VSIG10: variants seen among roughly 807,000 people sequenced by gnomAD.
The protein encoded by VSIG10 is V-set and immunoglobulin domain containing 10, also known as V-set and immunoglobulin domain-containing protein 10.
A neutral mutation model predicts 58.7 loss-of-function variants in VSIG10; 48 were observed. The ratio of observed to expected loss-of-function variants is 0.82; its 90% CI spans 0.65 to 1.04. The LOEUF (loss-of-function observed/expected upper bound fraction) is 1.04, where lower values mean the gene tolerates loss of function less well. Ranked by LOEUF, VSIG10 falls within the 50% of genes least tolerant of loss-of-function variation. VSIG10 has a pLI of 0.00. For synonymous variants in VSIG10, 260 were observed against 267.1 expected, an observed-to-expected ratio of 0.97 and a Z score of 0.26; for missense variants, 628 against 670.0, an observed-to-expected ratio of 0.94 and a Z score of 0.69.
rs532555111 is a variant in VSIG10 at position 118,091,291 on chromosome 12, G to C, written c.361+4242C>G. 5.9e-5 allele frequency among the ~76,000 whole-genome samples: 9 copies of C among 152,194 alleles called. No homozygotes were observed. In the South Asian group the frequency reaches 1.9e-3, roughly 32 times the overall value. ...GCGGATCACGAGGTCAGGAGATCGA[G>C]ACCATCCTGGCTAACATGGTGAAAC... On this transcript the variant is annotated intron_variant, in intron 2 of 8. Coordinates refer to ENST00000359236, the MANE Select transcript of VSIG10 (RefSeq NM_019086.6).
Position 118,082,268 on chromosome 12 carries a change from C to T in VSIG10, c.523G>A (p.Glu175Lys), listed in dbSNP as rs949478212. The T allele has an allele frequency of 1.9e-6, 3 of 1,613,740 alleles. No individual in the cohort carries two copies. The highest frequency in any genetic ancestry group is 1.7e-5 in the Admixed American group (1 of 59,966). The change falls in exon 3 of 9, where the codon GAG (glutamate) becomes AAG (lysine). Residue 175 changes from glutamate to lysine, a missense_variant. Physicochemically the swap from Glu to Lys is moderately conservative, Grantham distance 56. Transcript: ENST00000359236. ...WWFQALNSSSESFGHNLTVNF... is the reference protein window; with the variant it reads ...WWFQALNSSSKSFGHNLTVNF... ...ACTGTCAGGTTGTGGCCAAAGGACT[C>T]GCTGCTGGAATTCAGGGCCTGGAAC...
chr12:118,071,900 T>A (rs993720132), intron 5 of VSIG10, among the ~76,000 whole-genome samples: 3 of 152,226 alleles, frequency 2.0e-5, no homozygotes, highest in African/African-American at 7.2e-5. Context: ...CCGGGCGCAG[T>A]GGCGCATGCC....
At chr12:118,067,207 T>G (rs1336972687) in intron 8 of VSIG10, among the ~76,000 whole-genome samples, 1 of 151,992 alleles carries the variant, frequency 6.6e-6, no homozygotes, top group Non-Finnish European at 1.5e-5. Context: ...GTATTCTTAG[T>G]AGAGACACGT....
intron 8 of VSIG10, among the ~76,000 whole-genome samples, chr12:118,066,950 TC>T (rs2032269795): frequency 6.6e-6 from 1 of 152,076 alleles, no homozygotes; most frequent in Admixed American, 6.6e-5. Flanking sequence ...ACGCCCTCTC[TC>T]CTTTCTGCTT....
intron 8 of VSIG10, 125 bp from the exon 9 acceptor site, chr12:118,066,819 G>C (rs2032265475): frequency 9.6e-7 from 1 of 1,042,288 alleles, no homozygotes; most frequent in Non-Finnish European, 1.4e-6. Context: ...GGATCTCATG[G>C]AGAAGGTAGG....
At chr12:118,087,688 A>G (rs534676703) in intron 2 of VSIG10, among the ~76,000 whole-genome samples, 1 of 152,040 alleles carries the variant, frequency 6.6e-6, no homozygotes, top group Non-Finnish European at 1.5e-5. Flanking sequence ...AAACTAAAAA[A>G]TTAGCCGAGT....
intron 1 of VSIG10, among the ~76,000 whole-genome samples, chr12:118,096,918 A>T (rs1428028873): frequency 6.6e-6 from 1 of 152,026 alleles, no homozygotes; most frequent in African/African-American, 2.4e-5. Context: ...ACACGCCTGT[A>T]ATCCCAGCTA....
intron 8 of VSIG10, among the ~76,000 whole-genome samples, chr12:118,068,023 C>CT (rs371999216): frequency 0.031 from 2,645 of 85,416 alleles, 274 homozygotes; most frequent in African/African-American, 0.078. Flanking sequence ...GGTTTGTGGG[C>CT]TTTTTTTTTT....
chr12:118,066,577 G>A lies in VSIG10; in HGVS notation c.*62C>T, dbSNP rs747851999. 18 of 1,575,324 alleles carry A rather than the reference G, an allele frequency of 1.1e-5. No homozygotes were observed. Among genetic ancestry groups the A allele is most frequent in the South Asian group, 2.2e-5 (2 of 90,338 alleles). On this transcript the variant is annotated 3_prime_UTR_variant, in exon 9 of 9. Transcript: ENST00000359236. ...AGGTGGAGTCAAAGCTGAATGAAGA[G>A]CTCGTCTTCAATGTAGCTCTCCAAG...
intron 2 of VSIG10, among the ~76,000 whole-genome samples, chr12:118,089,557 AG>A (rs1241011798): frequency 5.3e-5 from 8 of 152,282 alleles, no homozygotes; most frequent in Admixed American, 4.6e-4. Flanking sequence ...ACTTGCCCGT[AG>A]GCTCACAGTG....
intron 1 of VSIG10, among the ~76,000 whole-genome samples, chr12:118,096,578 CAAA>C (rs371525608): frequency 8.6e-6 from 1 of 116,770 alleles, no homozygotes; most frequent in Non-Finnish European, 1.8e-5. Flanking sequence ...AACTCCGTCT[CAAA>C]AAAAAAAAAA....
intron 4 of VSIG10, among the ~76,000 whole-genome samples, chr12:118,075,116 GTA>G (rs541191883): frequency 3.4e-5 from 5 of 146,434 alleles, no homozygotes; most frequent in South Asian, 2.1e-4. Flanking sequence ...ATGTGTATAT[GTA>G]TATATATGTG....
intron 2 of VSIG10, among the ~76,000 whole-genome samples, chr12:118,092,450 T>C (rs2033325840): frequency 6.6e-6 from 1 of 152,058 alleles, no homozygotes; most frequent in Non-Finnish European, 1.5e-5. Flanking sequence ...ACTCTCTCTG[T>C]AAAGGGCCAG....
rs752998560 is a variant in VSIG10, at chr12:118,095,651, A to G, written c.243T>C (p.Ser81=). ...TGTGCAGGGAGGTGGCATCCACTAG[A>G]GAGAAGCGAGGCTCAGCTGGCCGGA... ...SSLRPAEPRF[S]LVDATSLHIE... is the part of the protein sequence containing the mutation. The change falls in exon 2 of 9, where the codon TCT becomes TCC. Residue 81 remains serine (S), a synonymous_variant. Transcript: ENST00000359236. 7.4e-6 allele frequency: 12 copies of G among 1,613,776 alleles called. No individual in the cohort carries two copies. In the African/African-American group the frequency reaches 1.5e-4, roughly 20 times the overall value.
At chr12:118,094,835 C>T (rs1237810594) in intron 2 of VSIG10, among the ~76,000 whole-genome samples, 1 of 149,834 alleles carries the variant, frequency 6.7e-6, no homozygotes, top group Admixed American at 6.7e-5. Flanking sequence ...CTCCCAGGTT[C>T]AAGCAATTCT....
In VSIG10 at chr12:118,073,822, C is replaced by T. The variant is rs374205384; in HGVS notation, c.1096G>A (p.Asp366Asn). The change falls in exon 5 of 9, where the codon GAT (aspartate) becomes AAT (asparagine). Residue 366 changes from aspartate to asparagine, a missense_variant. Physicochemically the swap from Asp to Asn is conservative, Grantham distance 23. Transcript: ENST00000359236. Reference sequence around the variant, plus strand: ...ATAGTGAGGGTGGAGTTCTGGCCATCCTGGGTAATGAGATGGCGGCTGCTA... The same window carrying T: ...ATAGTGAGGGTGGAGTTCTGGCCATTCTGGGTAATGAGATGGCGGCTGCTA... ...QPSSRHLITQ[D>N]GQNSTLTIHN... 2 of 1,613,838 alleles carry T rather than the reference C, an allele frequency of 1.2e-6. No individual in the cohort carries two copies. Among genetic ancestry groups the T allele is most frequent in the Non-Finnish European group, 1.7e-6 (2 of 1,179,900 alleles).
rs567785141 is a variant in VSIG10, at chr12:118,074,521, C to T, written c.926-529G>A. Among the ~76,000 whole-genome samples the T allele has an allele frequency of 1.1e-4, 16 of 151,876 alleles. No individual in the cohort carries two copies. The East Asian group carries it at 2.9e-3, about 28-fold the overall frequency. ...TGAGATGGAGTCTCACTTTGTCGCC[C>T]AGGCTGGAGTGCAGTGATGCAATCT... On this transcript the variant is annotated intron_variant, in intron 4 of 8. Transcript: ENST00000359236.
Position 118,064,936 on chromosome 12 carries a change from G to A in VSIG10, c.*1703C>T, listed in dbSNP as rs1046233496. 4 of 152,166 alleles carry A rather than the reference G, an allele frequency of 2.6e-5. No individual in the cohort carries two copies. The highest frequency in any genetic ancestry group is 9.7e-5 in the African/African-American group (4 of 41,444). 9.4% of individuals were successfully genotyped at this position (152,166 alleles called of 1,614,324 possible). Reference sequence around the variant, plus strand: ...TAAGCCCTAGGTCCTGCCCACTAGAGCAGATACGCAACATTAAAGAGTGCA... The same window carrying A: ...TAAGCCCTAGGTCCTGCCCACTAGAACAGATACGCAACATTAAAGAGTGCA... On this transcript the variant is annotated 3_prime_UTR_variant, in exon 9 of 9. Transcript: ENST00000359236.
intron 4 of VSIG10, among the ~76,000 whole-genome samples, chr12:118,078,252 G>A (rs957518171): frequency 1.1e-4 from 17 of 152,244 alleles, no homozygotes; most frequent in Admixed American, 3.9e-4. Flanking sequence ...TCCGCCTCCT[G>A]GGTTCACGCA....
Sources: allele counts gnomAD v4.1 joint callset (sites outside exome capture counted in the v4.1 genomes callset), GRCh38; gene constraint gnomAD v4.1.1; transcripts MANE v1.5; gene names NCBI Gene and HGNC (gene_info 2026-07-23, HGNC 2026-07-21).